Variants in STXBP6 observed in about 807,000 individuals in gnomAD.
STXBP6 encodes the protein syntaxin-binding protein 6.
Under a neutral mutation model 26.9 loss-of-function variants are expected in STXBP6, and 21 were observed. That is an observed-to-expected ratio of 0.78 (90% CI 0.55 to 1.12). The LOEUF is 1.12. STXBP6 is among the 50% of genes most tolerant of loss of function. STXBP6 has a pLI of 0.00. For synonymous variants in STXBP6, 97 were observed against 92.6 expected (o/e 1.05, Z -0.27); for missense variants, 232 against 257.9 (o/e 0.90, Z 0.69).
At chr14:24,946,501 G>C (rs1202958982) in intron 2 of STXBP6, among the ~76,000 whole-genome samples, 1 of 152,182 alleles carries the variant, frequency 6.6e-6, no homozygotes, top group Non-Finnish European at 1.5e-5. Flanking sequence ...AGGCAGAGAA[G>C]GATTGACTAT....
chr14:25,018,937 G>T (rs2075209611), intron 1 of STXBP6, among the ~76,000 whole-genome samples: 1 of 152,182 alleles, frequency 6.6e-6, no homozygotes, highest in Non-Finnish European at 1.5e-5. Context: ...AGGATCTTAA[G>T]GAGGCTAGGG....
At chr14:24,991,175 A>G (rs997774550) in intron 1 of STXBP6, among the ~76,000 whole-genome samples, 1 of 64,232 alleles carries the variant, frequency 1.6e-5, no homozygotes, top group Non-Finnish European at 2.8e-5. Context: ...GCAGAGAGAG[A>G]GGAGGAGGAG....
chr14:24,963,119 C>T (rs2073605860), intron 2 of STXBP6, among the ~76,000 whole-genome samples: 1 of 152,080 alleles, frequency 6.6e-6, no homozygotes, highest in African/African-American at 2.4e-5. Flanking sequence ...CCCTTGGTTT[C>T]ATGTTTTTTA....
Position 24,812,510 on chromosome 14 carries a change from TA to T in STXBP6, c.*198del. 1.7e-6 allele frequency: 1 copy of T among 597,390 alleles called. No homozygotes were observed. 37.0% of individuals were successfully genotyped at this position (597,390 alleles called of 1,614,324 possible). ...ATGAAGCTGATGCTATTGTAGCATT[TA>T]TTAGCAAGATCATTAGGGAAATGTA... On this transcript the variant is annotated 3_prime_UTR_variant, in exon 6 of 6. Transcript: ENST00000323944.
At chr14:24,939,493 G>C (rs2072726225) in intron 2 of STXBP6, among the ~76,000 whole-genome samples, 1 of 150,598 alleles carries the variant, frequency 6.6e-6, no homozygotes, top group Non-Finnish European at 1.5e-5. Context: ...CAGCTCTGTT[G>C]GGCTAACCTG....
At chr14:24,998,079 T>C (rs1387007431) in intron 1 of STXBP6, among the ~76,000 whole-genome samples, 2 of 152,174 alleles carry the variant, frequency 1.3e-5, no homozygotes, top group Non-Finnish European at 2.9e-5. Context: ...AAAATGTTGA[T>C]AGATATGTCC....
At chr14:25,015,209 G>A (rs1475988125) in intron 1 of STXBP6, among the ~76,000 whole-genome samples, 1 of 152,072 alleles carries the variant, frequency 6.6e-6, no homozygotes, top group Non-Finnish European at 1.5e-5. Flanking sequence ...CAAAATAAAA[G>A]AGAACTGCTT....
At chr14:25,039,708 CTT>C (rs375717992) in intron 1 of STXBP6, among the ~76,000 whole-genome samples, 24 of 139,972 alleles carry the variant, frequency 1.7e-4, no homozygotes, top group Admixed American at 2.1e-4. Flanking sequence ...AATCTGCATC[CTT>C]TTTTTTTTTT....
chr14:24,810,765 T>G lies in STXBP6; in HGVS notation c.*1944A>C, dbSNP rs958838389. 7.2e-5 allele frequency: 11 copies of G among 152,116 alleles called. No homozygotes were observed. Among genetic ancestry groups the G allele is most frequent in the African/African-American group, 2.7e-4 (11 of 41,416 alleles). 9.4% of individuals were successfully genotyped at this position (152,116 alleles called of 1,614,324 possible). On this transcript the variant is annotated 3_prime_UTR_variant, in exon 6 of 6. Transcript: ENST00000323944. ...TTGGCAACCACTTCTGTTCTTGAAT[T>G]TGGCGGACTGTCAGGGGGTTTTAGA...
At chr14:24,853,036 A>G (rs185887871) in intron 4 of STXBP6, among the ~76,000 whole-genome samples, 1 of 152,232 alleles carries the variant, frequency 6.6e-6, no homozygotes, top group East Asian at 1.9e-4. Context: ...ATTAGATAAC[A>G]TATGTATAGA....
intron 1 of STXBP6, among the ~76,000 whole-genome samples, chr14:25,046,812 A>G (rs554720467): frequency 7.6e-4 from 115 of 152,300 alleles, no homozygotes; most frequent in Non-Finnish European, 1.4e-3. Context: ...TTAGGTCCCA[A>G]TAGTGCTTCA....
intron 5 of STXBP6, among the ~76,000 whole-genome samples, chr14:24,815,302 T>C (rs540118153): frequency 6.6e-6 from 1 of 152,234 alleles, no homozygotes; most frequent in African/African-American, 2.4e-5. Context: ...TTTTGTGTTC[T>C]TAATATCTCA....
intron 1 of STXBP6, among the ~76,000 whole-genome samples, chr14:25,038,695 A>G (rs1456332639): frequency 6.6e-6 from 1 of 152,192 alleles, no homozygotes; most frequent in Non-Finnish European, 1.5e-5. Flanking sequence ...AAGAGCAGAA[A>G]AAATAACTAT....
chr14:24,950,138 C>T (rs560735771), intron 2 of STXBP6, among the ~76,000 whole-genome samples: 6 of 152,214 alleles, frequency 3.9e-5, no homozygotes, highest in Admixed American at 1.3e-4. Context: ...ATTTCAACTA[C>T]AAATATTCAT....
intron 2 of STXBP6, among the ~76,000 whole-genome samples, chr14:24,972,685 A>C (rs907655992): frequency 5.9e-5 from 9 of 152,176 alleles, no homozygotes; most frequent in African/African-American, 2.2e-4. Flanking sequence ...AGAACTGTGG[A>C]ATCTAAATTT....
chr14:24,862,568 G>T (rs1187821068), intron 2 of STXBP6, among the ~76,000 whole-genome samples: 1 of 152,124 alleles, frequency 6.6e-6, no homozygotes, highest in Non-Finnish European at 1.5e-5. Flanking sequence ...TCCTGATTTT[G>T]AATCACTAGT....
intron 2 of STXBP6, among the ~76,000 whole-genome samples, chr14:24,864,550 T>G (rs2139263816): frequency 6.6e-6 from 1 of 152,198 alleles, no homozygotes. Context: ...AAACATAGAT[T>G]AGGTCTAAAA....
intron 2 of STXBP6, among the ~76,000 whole-genome samples, chr14:24,892,798 C>G (rs1185582531): frequency 1.3e-5 from 2 of 152,152 alleles, no homozygotes; most frequent in African/African-American, 4.8e-5. Flanking sequence ...AAATATGAGG[C>G]ACATTACTAA....
intron 1 of STXBP6, among the ~76,000 whole-genome samples, chr14:25,016,643 T>G (rs1030226181): frequency 6.6e-6 from 1 of 152,200 alleles, no homozygotes; most frequent in African/African-American, 2.4e-5. Flanking sequence ...CATACAACTT[T>G]TACGCAAAAG....
Sources: gnomAD v4.1 joint callset for allele counts (sites outside exome capture counted in the v4.1 genomes callset) on GRCh38, gnomAD v4.1.1 for gene constraint, MANE v1.5 for transcripts, NCBI Gene and HGNC (gene_info 2026-07-23, HGNC 2026-07-21) for gene names.